Variants in JAZF1 observed in about 807,000 individuals in gnomAD.
The protein encoded by JAZF1 is JAZF zinc finger 1.
Under a neutral mutation model 26.4 loss-of-function variants are expected in JAZF1, and 8 were observed. That is an observed-to-expected ratio of 0.30 (90% confidence interval 0.18 to 0.55). The LOEUF (loss-of-function observed/expected upper bound fraction) is 0.55, where lower values mean the gene tolerates loss of function less well. Ranked by LOEUF, JAZF1 falls within the 20% of genes least tolerant of loss-of-function variation. The pLI, the probability that JAZF1 is intolerant of heterozygous loss-of-function variation, is 0.94. For missense variants in JAZF1, 199 were observed against 322.0 expected, an observed-to-expected ratio of 0.62 and a Z score of 2.92; for synonymous variants, 126 against 122.3, an observed-to-expected ratio of 1.03 and a Z score of -0.20.
intron 2 of JAZF1, among the ~76,000 whole-genome samples, chr7:27,918,799 G>C (rs1046783097): frequency 6.6e-6 from 1 of 151,878 alleles, no homozygotes; most frequent in African/African-American, 2.4e-5. Flanking sequence ...ATGAATTAAG[G>C]AGAAGAGAAA....
chr7:27,860,191 G>C (rs141207275), intron 3 of JAZF1, among the ~76,000 whole-genome samples: 41 of 152,216 alleles, frequency 2.7e-4, no homozygotes, highest in Non-Finnish European at 5.3e-4. Flanking sequence ...AAGTGTTTTG[G>C]GTCTTTATTT....
intron 1 of JAZF1, among the ~76,000 whole-genome samples, chr7:28,158,381 TG>T (rs1783226892): frequency 1.3e-5 from 2 of 152,120 alleles, no homozygotes; most frequent in South Asian, 4.2e-4. Flanking sequence ...CCCTTCCTTC[TG>T]GAAGCCTAGA....
intron 2 of JAZF1, among the ~76,000 whole-genome samples, chr7:27,970,822 T>C (rs180954530): frequency 5.2e-5 from 8 of 152,396 alleles, no homozygotes; most frequent in Non-Finnish European, 1.2e-4. Context: ...TATTTTAGTT[T>C]ATGAATCTTA....
chr7:28,124,785 T>C (rs1163831569), intron 1 of JAZF1, among the ~76,000 whole-genome samples: 5 of 152,222 alleles, frequency 3.3e-5, no homozygotes, highest in African/African-American at 1.2e-4. Flanking sequence ...GAATAGGAAC[T>C]AATTTTGCTT....
At chr7:28,136,511 A>G (rs1242715322) in intron 1 of JAZF1, among the ~76,000 whole-genome samples, 3 of 152,274 alleles carry the variant, frequency 2.0e-5, no homozygotes, top group African/African-American at 7.2e-5. Context: ...ATCTAGAGAG[A>G]AATAACACAT....
intron 1 of JAZF1, among the ~76,000 whole-genome samples, chr7:28,153,093 C>A (rs192777949): frequency 1.3e-5 from 2 of 152,238 alleles, no homozygotes; most frequent in African/African-American, 4.8e-5. Context: ...ATGTCCAGTT[C>A]ATTATAATTT....
chr7:27,922,673 G>A (rs1052137396), intron 2 of JAZF1, among the ~76,000 whole-genome samples: 2 of 137,938 alleles, frequency 1.4e-5, no homozygotes, highest in Non-Finnish European at 1.7e-5. Context: ...TTTAATAATG[G>A]GTTTTTTTTT....
At chr7:28,002,530 C>G (rs1431942050) in intron 1 of JAZF1, among the ~76,000 whole-genome samples, 1 of 152,120 alleles carries the variant, frequency 6.6e-6, no homozygotes, top group Non-Finnish European at 1.5e-5. Flanking sequence ...AAGGATAGTC[C>G]TTTCACCCTA....
intron 1 of JAZF1, among the ~76,000 whole-genome samples, chr7:28,121,447 G>C (rs74403286): frequency 0.045 from 6,896 of 152,300 alleles, 235 homozygotes; most frequent in South Asian, 0.12. Flanking sequence ...ATAAAGCTGT[G>C]AGATGTAGCA....
chr7:28,035,462 ATAG>A (rs1285693737), intron 1 of JAZF1, among the ~76,000 whole-genome samples: 1 of 147,156 alleles, frequency 6.8e-6, no homozygotes, highest in African/African-American at 2.7e-5. Flanking sequence ...ATCTAAAGAG[ATAG>A]AGAGTATCAT....
chr7:27,967,774 C>T (rs937995696), intron 2 of JAZF1, among the ~76,000 whole-genome samples: 1 of 152,136 alleles, frequency 6.6e-6, no homozygotes, highest in Non-Finnish European at 1.5e-5. Context: ...TACCACTATA[C>T]AACTACAAGA....
intron 1 of JAZF1, among the ~76,000 whole-genome samples, chr7:28,051,150 A>C (rs112128977): frequency 0.89 from 121,120 of 135,712 alleles, 54,895 homozygotes; most frequent in African/African-American, 0.96. Flanking sequence ...AAAAAAAAAA[A>C]AAAAAACAAA....
rs10661523 is a variant in JAZF1 at position 27,938,805 on chromosome 7, ATT to A, written c.189-43391_189-43390del. On this transcript the variant is annotated intron_variant, in intron 2 of 4. Transcript: ENST00000283928. Reference sequence around the variant, plus strand: ...TCCCACCTCAGCCTCCTGAATAGCTATTTTTTTTTTTTTTTTGTAGAAATGGA... The same window carrying A: ...TCCCACCTCAGCCTCCTGAATAGCTATTTTTTTTTTTTTTGTAGAAATGGA... Among the ~76,000 whole-genome samples the A allele has an allele frequency of 3.5e-3, 479 of 138,206 alleles. 2 individuals carry two copies. Among genetic ancestry groups the A allele is most frequent in the Non-Finnish European group, 5.7e-3 (361 of 63,742 alleles). The allele number at this position is 138,206 out of a possible 152,430, so 90.7% of individuals were successfully genotyped here.
chr7:28,017,309 C>T (rs1260772715), intron 1 of JAZF1, among the ~76,000 whole-genome samples: 2 of 149,784 alleles, frequency 1.3e-5, no homozygotes, highest in Non-Finnish European at 2.9e-5. Flanking sequence ...TGAGATCACA[C>T]CACTGTACTC....
At chr7:28,089,301 T>A (rs1201241368) in intron 1 of JAZF1, among the ~76,000 whole-genome samples, 1 of 152,176 alleles carries the variant, frequency 6.6e-6, no homozygotes, top group African/African-American at 2.4e-5. Flanking sequence ...CTGCACTATT[T>A]GAAGACAGCA....
intron 1 of JAZF1, among the ~76,000 whole-genome samples, chr7:28,057,276 C>T (rs1001113503): frequency 8.5e-5 from 13 of 152,136 alleles, no homozygotes; most frequent in African/African-American, 3.1e-4. Context: ...GCTTTTATGA[C>T]CTTAACCTCT....
At chr7:28,022,866 C>T (rs1783030194) in intron 1 of JAZF1, among the ~76,000 whole-genome samples, 1 of 152,172 alleles carries the variant, frequency 6.6e-6, no homozygotes, top group South Asian at 2.1e-4. Context: ...AAGTGATTCT[C>T]GTGTCTCAGC....
At chr7:27,945,544 G>A (rs1481889281) in intron 2 of JAZF1, among the ~76,000 whole-genome samples, 2 of 152,104 alleles carry the variant, frequency 1.3e-5, no homozygotes, top group South Asian at 4.1e-4. Flanking sequence ...AGTTACACCT[G>A]TCCGTTTTTT....
At chr7:27,898,060 G>A (rs7806309) in intron 2 of JAZF1, among the ~76,000 whole-genome samples, 11,502 of 152,042 alleles carry the variant, frequency 0.076, 522 homozygotes, top group African/African-American at 0.12. Context: ...TTATTATATC[G>A]TTATGTCTCT....
Sources: gnomAD v4.1 joint callset for allele counts (sites outside exome capture counted in the v4.1 genomes callset) on GRCh38, gnomAD v4.1.1 for gene constraint, MANE v1.5 for transcripts, NCBI Gene and HGNC (gene_info 2026-07-23, HGNC 2026-07-21) for gene names.